Variants in HAPLN1 observed in about 807,000 individuals in gnomAD.
HAPLN1 encodes the protein Cartilage link protein.
A neutral mutation model predicts 36.5 loss-of-function variants in HAPLN1; 13 were observed. The observed-to-expected ratio is 0.36, with a 90% CI of 0.23 to 0.57. The LOEUF (loss-of-function observed/expected upper bound fraction) is 0.57. HAPLN1 is among the 20% of genes least tolerant of loss of function. HAPLN1 has a pLI of 0.83. For synonymous variants in HAPLN1, 202 were observed against 169.8 expected (o/e 1.19, Z -1.48); for missense variants, 407 against 439.7 (o/e 0.93, Z 0.66).
chr5:83,704,030 C>A (rs1191837256), intron 1 of HAPLN1, among the ~76,000 whole-genome samples: 2 of 151,446 alleles, frequency 1.3e-5, no homozygotes, highest in African/African-American at 2.4e-5. Context: ...AAAGGGAAGC[C>A]CATCAAACTA....
rs559887001 is a variant in HAPLN1 at position 83,698,005 on chromosome 5, C to A, written c.-27+22784G>T. Among the ~76,000 whole-genome samples, 4 of 151,970 alleles carry A rather than the reference C, an allele frequency of 2.6e-5. No individual in the cohort carries two copies. The East Asian group carries it at 7.7e-4, about 29-fold the overall frequency. On this transcript the variant is annotated intron_variant, in intron 1 of 4. Coordinates refer to ENST00000274341, the MANE Select transcript of HAPLN1 (RefSeq NM_001884.4). ...GTCTTTTTATTTTCTTGATATTGTCCTTTGAAGTACTAATGAGGCCTCATT... is the reference window on the plus strand; with the variant it reads ...GTCTTTTTATTTTCTTGATATTGTCATTTGAAGTACTAATGAGGCCTCATT...
At chr5:83,680,268 A>T (rs1750967078) in intron 1 of HAPLN1, among the ~76,000 whole-genome samples, 1 of 151,554 alleles carries the variant, frequency 6.6e-6, no homozygotes, top group South Asian at 2.1e-4. Context: ...GATTTTCTAA[A>T]ACACATATAA....
intron 2 of HAPLN1, among the ~76,000 whole-genome samples, chr5:83,657,946 T>A (rs1050566294): frequency 6.6e-6 from 1 of 152,206 alleles, no homozygotes; most frequent in Non-Finnish European, 1.5e-5. Flanking sequence ...AAAATTGCTA[T>A]TTTAACCATG....
intron 1 of HAPLN1, among the ~76,000 whole-genome samples, chr5:83,705,387 CAAAAAAA>C (rs762927081): frequency 5.9e-5 from 5 of 85,422 alleles, no homozygotes; most frequent in Admixed American, 1.5e-4. Flanking sequence ...TGAAACGTCA[CAAAAAAA>C]AAAAAAAAAA....
At chr5:83,670,170 CA>C (rs1219201043) in intron 2 of HAPLN1, among the ~76,000 whole-genome samples, 1 of 152,162 alleles carries the variant, frequency 6.6e-6, no homozygotes, top group African/African-American at 2.4e-5. Context: ...AAAGGCTACA[CA>C]AAAGTTTTTG....
chr5:83,671,459 A>G (rs114917458), intron 2 of HAPLN1, among the ~76,000 whole-genome samples: 171 of 152,332 alleles, frequency 1.1e-3, no homozygotes, highest in African/African-American at 3.9e-3. Context: ...TTGATAAATA[A>G]AAGTTTTAAA....
intron 1 of HAPLN1, among the ~76,000 whole-genome samples, chr5:83,715,915 G>A (rs986525276): frequency 6.6e-6 from 1 of 151,964 alleles, no homozygotes; most frequent in African/African-American, 2.4e-5. Flanking sequence ...GTAACATTTC[G>A]GGTTTATGAC....
intron 4 of HAPLN1, 24 bp from the exon 5 acceptor site, chr5:83,641,809 C>T (rs1456653918): frequency 1.2e-6 from 2 of 1,603,962 alleles, no homozygotes; most frequent in Non-Finnish European, 1.7e-6. Context: ...GAGACAGAGT[C>T]AATGGGCTGG....
chr5:83,694,107 G>A (rs932761849), intron 1 of HAPLN1, among the ~76,000 whole-genome samples: 1 of 151,734 alleles, frequency 6.6e-6, no homozygotes, highest in African/African-American at 2.4e-5. Context: ...TATTCCCTAA[G>A]TATAGAATTA....
chr5:83,713,566 T>A (rs553782811), intron 1 of HAPLN1, among the ~76,000 whole-genome samples: 1 of 152,260 alleles, frequency 6.6e-6, no homozygotes, highest in Admixed American at 6.5e-5. Context: ...AATGCCAGAG[T>A]CTTCCAAATC....
At chr5:83,681,963 A>G (rs958455695) in intron 1 of HAPLN1, among the ~76,000 whole-genome samples, 1 of 152,236 alleles carries the variant, frequency 6.6e-6, no homozygotes. Context: ...ATTTGAAACA[A>G]GAGTTTTTAA....
intron 2 of HAPLN1, among the ~76,000 whole-genome samples, chr5:83,663,134 T>C (rs997171548): frequency 3.3e-5 from 5 of 152,116 alleles, no homozygotes; most frequent in Admixed American, 6.6e-5. Context: ...CTGTACCTAT[T>C]GTGGGGAGCA....
At chr5:83,698,051 C>A (rs545886074) in intron 1 of HAPLN1, among the ~76,000 whole-genome samples, 4 of 151,974 alleles carry the variant, frequency 2.6e-5, no homozygotes, top group Non-Finnish European at 1.5e-5. Context: ...ACTTTGGTTG[C>A]GTGGCTTTTG....
At chr5:83,702,884 G>A (rs1751543399) in intron 1 of HAPLN1, among the ~76,000 whole-genome samples, 1 of 152,050 alleles carries the variant, frequency 6.6e-6, no homozygotes, top group Admixed American at 6.6e-5. Context: ...ACTAATTTTT[G>A]CATTTTTAGT....
At chr5:83,661,654 C>T (rs1176649538) in intron 2 of HAPLN1, among the ~76,000 whole-genome samples, 5 of 151,844 alleles carry the variant, frequency 3.3e-5, no homozygotes, top group Non-Finnish European at 5.9e-5. Flanking sequence ...CCGTGTTAGC[C>T]GGGATGGTCT....
intron 3 of HAPLN1, 165 bp downstream of exon 3, chr5:83,652,288 G>T: frequency 1.6e-6 from 1 of 636,568 alleles, no homozygotes; most frequent in Non-Finnish European, 2.6e-6. Context: ...AAACATGAAA[G>T]CTGGAATCAT....
chr5:83,670,184 C>A (rs977720122), intron 2 of HAPLN1, among the ~76,000 whole-genome samples: 1 of 152,104 alleles, frequency 6.6e-6, no homozygotes, highest in Non-Finnish European at 1.5e-5. Context: ...AGTTTTTGGA[C>A]CTGATACAAA....
At chr5:83,691,928 T>C (rs532198264) in intron 1 of HAPLN1, among the ~76,000 whole-genome samples, 1 of 151,938 alleles carries the variant, frequency 6.6e-6, no homozygotes, top group East Asian at 1.9e-4. Flanking sequence ...TATAGAGGCA[T>C]GAAAAAGACA....
At chr5:83,719,990 G>A (rs72772951) in intron 1 of HAPLN1, among the ~76,000 whole-genome samples, 6,804 of 152,188 alleles carry the variant, frequency 0.045, 380 homozygotes, top group East Asian at 0.3. Flanking sequence ...TGAAAATAAA[G>A]CAACTTATTC....
Sources: gnomAD v4.1 joint callset for allele counts (sites outside exome capture counted in the v4.1 genomes callset) on GRCh38, gnomAD v4.1.1 for gene constraint, MANE v1.5 for transcripts, NCBI Gene and HGNC (gene_info 2026-07-23, HGNC 2026-07-21) for gene names.